Variants in ITGBL1 observed in about 807,000 individuals in gnomAD.
ITGBL1 encodes the protein integrin subunit beta like 1.
A neutral mutation model predicts 68.5 loss-of-function variants in ITGBL1; 51 were observed. That is an observed-to-expected ratio of 0.74 (90% CI 0.59 to 0.94). The LOEUF (loss-of-function observed/expected upper bound fraction) is 0.94. Ranked by LOEUF, ITGBL1 falls within the 40% of genes least tolerant of loss-of-function variation. The pLI is 0.00. For missense variants in ITGBL1, 649 were observed against 647.4 expected (o/e 1.00, Z -0.03); for synonymous variants, 209 against 227.3 (o/e 0.92, Z 0.72).
Position 101,489,878 on chromosome 13 carries a change from T to C in ITGBL1, c.316+35778T>C, listed in dbSNP as rs924383216. 1.2e-5 allele frequency: 10 copies of C among 845,920 alleles called. No individual in the cohort carries two copies. In the African/African-American group the frequency reaches 1.4e-4, roughly 11 times the overall value. The allele number at this position is 845,920 out of a possible 1,614,324, so 52.4% of individuals were successfully genotyped here. A position where few individuals can be genotyped will look rare whatever the true frequency, so the allele number is the denominator to read the frequency against. ...CTCATTGGTGAAAAATAGAAACCAG[T>C]GAGAGGTGGACTAAAGGTTAGTGTG... On this transcript the variant is annotated intron_variant, in intron 2 of 10. Transcript: ENST00000376180.
chr13:101,487,945 G>T (rs2048723509), intron 2 of ITGBL1, among the ~76,000 whole-genome samples: 2 of 152,152 alleles, frequency 1.3e-5, no homozygotes, highest in South Asian at 4.1e-4. Context: ...TGGCACAGGG[G>T]GCCTGACTGC....
chr13:101,593,557 G>GTA (rs1406842493), intron 6 of ITGBL1, among the ~76,000 whole-genome samples: 2 of 151,900 alleles, frequency 1.3e-5, no homozygotes, highest in African/African-American at 4.8e-5. Flanking sequence ...AAAAATTGTG[G>GTA]TATATATACA....
At position 101,598,218 on chromosome 13, in the gene ITGBL1, C is replaced by A. The variant is rs757401910; in HGVS notation, c.934C>A (p.His312Asn). The change falls in exon 7 of 11, where the codon CAC (histidine) becomes AAC (asparagine). Residue 312 changes from histidine (H) to asparagine (N), a missense_variant. By Grantham distance (68) the His-to-Asn change is moderately conservative. Transcript: ENST00000376180. ...KAGWYGKKCE[H>N]PQSCTLSAEE... ...AGGCTGGTATGGGAAGAAGTGTGAG[C>A]ACCCACAGTCCTGCACGCTGTCAGC... The A allele has an allele frequency of 3.1e-6, 5 of 1,613,666 alleles. No individual in the cohort carries two copies. Among genetic ancestry groups the A allele is most frequent in the Non-Finnish European group, 4.2e-6 (5 of 1,179,882 alleles).
intron 5 of ITGBL1, among the ~76,000 whole-genome samples, chr13:101,580,418 A>T (rs558462478): frequency 9.7e-4 from 139 of 143,554 alleles, no homozygotes; most frequent in African/African-American, 3.4e-3. Flanking sequence ...ATATCATACT[A>T]ATTTACCTTA....
chr13:101,622,179 T>G (rs1204827664), intron 7 of ITGBL1, among the ~76,000 whole-genome samples: 1 of 152,188 alleles, frequency 6.6e-6, no homozygotes, highest in East Asian at 1.9e-4. Flanking sequence ...ATGGAAGATT[T>G]AATGAATAAT....
chr13:101,465,744 T>G (rs908686949), intron 2 of ITGBL1, among the ~76,000 whole-genome samples: 1 of 152,208 alleles, frequency 6.6e-6, no homozygotes, highest in Non-Finnish European at 1.5e-5. Context: ...CTGACTTTTT[T>G]GAAGAGAAGG....
chr13:101,502,161 T>G lies in ITGBL1; in HGVS notation c.316+48061T>G, dbSNP rs147133134. ...CTAATGCTCTTTGATAGCTTAAACC[T>G]TAAGTCTTTAATTTTATGCACATTA... On this transcript the variant is annotated intron_variant, in intron 2 of 10. Coordinates refer to ENST00000376180, the MANE Select transcript of ITGBL1 (RefSeq NM_004791.3). 2.8e-3 allele frequency among the ~76,000 whole-genome samples: 434 copies of G among 152,338 alleles called. 5 individuals are homozygous for G. Among genetic ancestry groups the G allele is most frequent in the African/African-American group, 9.7e-3 (402 of 41,578 alleles).
intron 3 of ITGBL1, among the ~76,000 whole-genome samples, chr13:101,571,355 T>A (rs1215392040): frequency 1.3e-5 from 2 of 152,154 alleles, no homozygotes; most frequent in African/African-American, 4.8e-5. Flanking sequence ...GATTGGGGTA[T>A]GTAGTCGAAT....
intron 2 of ITGBL1, among the ~76,000 whole-genome samples, chr13:101,485,300 T>A (rs2048685533): frequency 1.3e-5 from 2 of 152,130 alleles, no homozygotes; most frequent in Admixed American, 1.3e-4. Flanking sequence ...GGTAATTACA[T>A]GGGTAAATAT....
At chr13:101,659,039 A>ATT (rs55935871) in intron 7 of ITGBL1, among the ~76,000 whole-genome samples, 43,835 of 103,798 alleles carry the variant, frequency 0.42, 9,881 homozygotes, top group East Asian at 0.78. Flanking sequence ...TGGTGATTGA[A>ATT]TTTTTTTTTT....
At chr13:101,699,106 C>A (rs1383256912) in intron 8 of ITGBL1, among the ~76,000 whole-genome samples, 1 of 152,218 alleles carries the variant, frequency 6.6e-6, no homozygotes, top group African/African-American at 2.4e-5. Flanking sequence ...AGATCACACA[C>A]TCAGACTAAC....
intron 2 of ITGBL1, among the ~76,000 whole-genome samples, chr13:101,527,629 C>G (rs2049402626): frequency 6.6e-6 from 1 of 151,988 alleles, no homozygotes; most frequent in Admixed American, 6.6e-5. Flanking sequence ...TTTAATAATC[C>G]TCAACAATGT....
At chr13:101,529,322 T>C (rs1053392552) in intron 2 of ITGBL1, among the ~76,000 whole-genome samples, 3 of 152,048 alleles carry the variant, frequency 2.0e-5, no homozygotes, top group African/African-American at 4.8e-5. Flanking sequence ...AGAAAAAGTT[T>C]CTGCAGTGAG....
At chr13:101,582,595 C>T (rs1207999972) in intron 5 of ITGBL1, among the ~76,000 whole-genome samples, 2 of 152,162 alleles carry the variant, frequency 1.3e-5, no homozygotes, top group Admixed American at 6.5e-5. Flanking sequence ...CTCATCTGAT[C>T]TAGCAAACCT....
At chr13:101,553,121 A>G (rs2049947831) in intron 2 of ITGBL1, among the ~76,000 whole-genome samples, 1 of 152,208 alleles carries the variant, frequency 6.6e-6, no homozygotes, top group Non-Finnish European at 1.5e-5. Flanking sequence ...AAGAGAAGTC[A>G]TGGAGAGACA....
intron 2 of ITGBL1, among the ~76,000 whole-genome samples, chr13:101,531,350 A>C (rs897824155): frequency 5.3e-5 from 8 of 152,268 alleles, no homozygotes; most frequent in Non-Finnish European, 8.8e-5. Context: ...TTTCAGTTTC[A>C]GTTTTTGCTA....
intron 7 of ITGBL1, among the ~76,000 whole-genome samples, chr13:101,616,727 GCGATCTACCCACCT>G (rs1269254011): frequency 6.6e-6 from 1 of 152,146 alleles, no homozygotes; most frequent in Non-Finnish European, 1.5e-5. Context: ...CTGACTTCAA[GCGATCTACCCACCT>G]CGACCTCCCA....
chr13:101,681,959 A>T (rs990637980), intron 7 of ITGBL1, among the ~76,000 whole-genome samples: 6 of 152,180 alleles, frequency 3.9e-5, no homozygotes, highest in African/African-American at 1.4e-4. Flanking sequence ...AAACTTCACA[A>T]TTTCACAATC....
intron 7 of ITGBL1, among the ~76,000 whole-genome samples, chr13:101,642,666 A>G (rs1286327589): frequency 6.6e-6 from 1 of 151,432 alleles, no homozygotes; most frequent in Non-Finnish European, 1.5e-5. Context: ...GGTAATGCCT[A>G]GGTTTTCTTC....
Sources: gnomAD v4.1 joint callset for allele counts (sites outside exome capture counted in the v4.1 genomes callset) on GRCh38, gnomAD v4.1.1 for gene constraint, MANE v1.5 for transcripts, NCBI Gene and HGNC (gene_info 2026-07-23, HGNC 2026-07-21) for gene names.